Variants in RSBN1 observed in about 807,000 individuals in gnomAD.
RSBN1 encodes the protein round spermatid basic protein 1.
In RSBN1, 23 loss-of-function variants were observed where a neutral mutation model predicts 74.8. That is an observed-to-expected ratio of 0.31 (90% CI 0.22 to 0.44). The LOEUF (loss-of-function observed/expected upper bound fraction) is 0.44. Among genes scored for constraint, RSBN1 ranks in the 20% least tolerant of loss-of-function variants. The pLI, the probability that RSBN1 is intolerant of heterozygous loss-of-function variation, is 1.00. For missense variants in RSBN1, 808 were observed against 1,020.9 expected (o/e 0.79, Z 2.84); for synonymous variants, 407 against 379.6 (o/e 1.07, Z -0.84).
intron 2 of RSBN1, among the ~76,000 whole-genome samples, chr1:113,788,091 A>G (rs1473699517): frequency 6.6e-6 from 1 of 152,210 alleles, no homozygotes; most frequent in Non-Finnish European, 1.5e-5. Flanking sequence ...AAAAAGGGAC[A>G]GAGAACAAGA....
In RSBN1 at chr1:113,796,997, C is replaced by G. The variant is rs570621743; in HGVS notation, c.1377+366G>C. 7.2e-5 allele frequency among the ~76,000 whole-genome samples: 11 copies of G among 152,274 alleles called. No individual in the cohort carries two copies. In the South Asian group the frequency reaches 2.3e-3, roughly 32 times the overall value. Reference sequence around the variant, plus strand: ...GCATATAAACAGGCCCATGCCCTCACGTGTTTTATTATGATATAAAAGCAA... The same window carrying G: ...GCATATAAACAGGCCCATGCCCTCAGGTGTTTTATTATGATATAAAAGCAA... On this transcript the variant is annotated intron_variant, in intron 2 of 6. Transcript: ENST00000261441.
chr1:113,776,747 A>T (rs944340137), intron 4 of RSBN1, among the ~76,000 whole-genome samples: 1 of 151,586 alleles, frequency 6.6e-6, no homozygotes, highest in Non-Finnish European at 1.5e-5. Flanking sequence ...AAGTTCAAGA[A>T]TACAGTGAGC....
intron 2 of RSBN1, among the ~76,000 whole-genome samples, chr1:113,787,115 C>G (rs1660259685): frequency 6.6e-6 from 1 of 152,138 alleles, no homozygotes; most frequent in Non-Finnish European, 1.5e-5. Flanking sequence ...GATATTGATT[C>G]TTCTTCCCCA....
intron 2 of RSBN1, among the ~76,000 whole-genome samples, chr1:113,796,959 C>A (rs904638306): frequency 6.6e-6 from 1 of 152,162 alleles, no homozygotes; most frequent in Non-Finnish European, 1.5e-5. Context: ...GATATAAAAA[C>A]TCCAAAAACC....
intron 5 of RSBN1, among the ~76,000 whole-genome samples, chr1:113,767,663 T>C (rs1009708355): frequency 1.4e-4 from 22 of 152,196 alleles, no homozygotes; most frequent in Non-Finnish European, 3.1e-4. Flanking sequence ...TGAAGAGATA[T>C]TTATACACCC....
intron 2 of RSBN1, among the ~76,000 whole-genome samples, chr1:113,786,674 A>T (rs1394456231): frequency 6.6e-6 from 1 of 152,146 alleles, no homozygotes; most frequent in East Asian, 1.9e-4. Context: ...GCGTTGTTTT[A>T]AGCCATTGTT....
chr1:113,792,888 G>T (rs1309776233), intron 2 of RSBN1, among the ~76,000 whole-genome samples: 2 of 152,098 alleles, frequency 1.3e-5, no homozygotes, highest in Non-Finnish European at 2.9e-5. Context: ...TGTATCAACT[G>T]CTAAGAGTTA....
At chr1:113,803,648 C>T (rs1193365785) in intron 1 of RSBN1, among the ~76,000 whole-genome samples, 1 of 151,962 alleles carries the variant, frequency 6.6e-6, no homozygotes, top group East Asian at 1.9e-4. Flanking sequence ...ACTATTATTG[C>T]CAAAAACAGT....
intron 2 of RSBN1, among the ~76,000 whole-genome samples, chr1:113,789,546 C>A (rs1366982318): frequency 6.6e-6 from 1 of 152,190 alleles, no homozygotes; most frequent in Non-Finnish European, 1.5e-5. Flanking sequence ...ATCGTGGGAA[C>A]CCCAACTTGA....
Position 113,766,202 on chromosome 1 carries a change from T to A in RSBN1, c.2187A>T (p.Glu729Asp). 1 of 1,614,144 alleles carries A rather than the reference T, an allele frequency of 6.2e-7. No individual in the cohort carries two copies. The highest frequency in any genetic ancestry group is 8.5e-7 in the Non-Finnish European group (1 of 1,179,964). Residue 729 changes from glutamate (E) to aspartate (D), a missense_variant, in exon 7 of 7, where the codon GAA becomes GAT. By Grantham distance (45) the Glu-to-Asp change is conservative. Coordinates refer to ENST00000261441, the MANE Select transcript of RSBN1 (RefSeq NM_018364.5). Reference sequence around the variant, plus strand: ...TCACACATTGGGAGTCAACTTCTAATTCTCGCTTTCCAGTTAAACCACAGT... The same window carrying A: ...TCACACATTGGGAGTCAACTTCTAAATCTCGCTTTCCAGTTAAACCACAGT... ...NMDCGLTGKR[E>D]LEVDSQCVRI...
At chr1:113,794,564 G>A (rs139354359) in intron 2 of RSBN1, among the ~76,000 whole-genome samples, 1 of 152,214 alleles carries the variant, frequency 6.6e-6, no homozygotes, top group East Asian at 1.9e-4. Flanking sequence ...ATTCTCAAAT[G>A]CCTCTGTGTA....
At chr1:113,806,103 T>C (rs1433228621) in intron 1 of RSBN1, among the ~76,000 whole-genome samples, 3 of 151,852 alleles carry the variant, frequency 2.0e-5, no homozygotes, top group East Asian at 3.9e-4. Flanking sequence ...CCAGCACTTG[T>C]GGGAGGCACA....
Position 113,765,480 on chromosome 1 carries a change from C to T in RSBN1, c.*500G>A, listed in dbSNP as rs562808416. Reference sequence around the variant, plus strand: ...AACTACTTGTTATTTGTGGTTAGAACTAAATAACTTACTTGCCCATGTACC... The same window carrying T: ...AACTACTTGTTATTTGTGGTTAGAATTAAATAACTTACTTGCCCATGTACC... On this transcript the variant is annotated 3_prime_UTR_variant, in exon 7 of 7. Transcript: ENST00000261441. 1.9e-5 allele frequency: 3 copies of T among 154,178 alleles called. No individual in the cohort carries two copies. Among genetic ancestry groups the T allele is most frequent in the African/African-American group, 7.2e-5 (3 of 41,534 alleles). 9.6% of individuals were successfully genotyped at this position (154,178 alleles called of 1,614,324 possible).
chr1:113,763,640 TC>T lies in RSBN1; in HGVS notation c.*2339del, dbSNP rs1231696292. On this transcript the variant is annotated 3_prime_UTR_variant, in exon 7 of 7. Transcript: ENST00000261441. ...TTACTAGCTAAATGTTTCTCTTCAT[TC>T]TATTGCAATTCTAACATACAATGAA... 6.5e-6 allele frequency: 1 copy of T among 152,810 alleles called. No homozygotes were observed. Among genetic ancestry groups the T allele is most frequent in the Non-Finnish European group, 1.5e-5 (1 of 68,048 alleles). 9.5% of individuals were successfully genotyped at this position (152,810 alleles called of 1,614,324 possible).
intron 1 of RSBN1, among the ~76,000 whole-genome samples, chr1:113,810,257 C>A (rs1332341587): frequency 2.6e-5 from 4 of 152,036 alleles, no homozygotes; most frequent in African/African-American, 9.7e-5. Flanking sequence ...AATTTTTTTG[C>A]ACTTCATGCG....
At chr1:113,784,153 G>A (rs1660194092) in intron 2 of RSBN1, among the ~76,000 whole-genome samples, 3 of 152,040 alleles carry the variant, frequency 2.0e-5, no homozygotes, top group Admixed American at 2.0e-4. Context: ...TTAAAGGAGG[G>A]ACACAACAGT....
chr1:113,788,181 G>GA (rs1313796864), intron 2 of RSBN1, among the ~76,000 whole-genome samples: 1 of 151,592 alleles, frequency 6.6e-6, no homozygotes, highest in Non-Finnish European at 1.5e-5. Flanking sequence ...CAGAAAGCAG[G>GA]AAAAAAGACA....
intron 2 of RSBN1, among the ~76,000 whole-genome samples, chr1:113,784,055 T>C (rs1660192764): frequency 6.6e-6 from 1 of 152,144 alleles, no homozygotes; most frequent in South Asian, 2.1e-4. Flanking sequence ...ATAGAACATT[T>C]AAAGTGATTA....
chr1:113,800,760 C>G (rs1478478102), intron 1 of RSBN1, among the ~76,000 whole-genome samples: 2 of 151,754 alleles, frequency 1.3e-5, no homozygotes, highest in African/African-American at 4.8e-5. Context: ...GGTCAAGTCT[C>G]TGTGGGTTTC....
Sources: allele counts gnomAD v4.1 joint callset (sites outside exome capture counted in the v4.1 genomes callset), GRCh38; gene constraint gnomAD v4.1.1; transcripts MANE v1.5; gene names NCBI Gene and HGNC (gene_info 2026-07-23, HGNC 2026-07-21).